The following USP49 variants were observed in gnomAD, a reference collection of about 807,000 sequenced individuals.
USP49 encodes the protein ubiquitin carboxyl-terminal hydrolase 49.
USP49 carries 24 observed loss-of-function variants against 58.6 expected under a neutral mutation model. That is an observed-to-expected ratio of 0.41 (90% CI 0.30 to 0.58). The LOEUF is 0.58. Among genes scored for constraint, USP49 ranks in the 20% least tolerant of loss-of-function variants. The pLI, the probability that USP49 is intolerant of heterozygous loss-of-function variation, is 0.30. For missense variants in USP49, 703 were observed against 866.1 expected, an observed-to-expected ratio of 0.81 and a Z score of 2.36; for synonymous variants, 408 against 365.1, an observed-to-expected ratio of 1.12 and a Z score of -1.34.
intron 3 of USP49, among the ~76,000 whole-genome samples, chr6:41,820,193 TTTAAG>T (rs1234182277): frequency 6.6e-6 from 1 of 152,148 alleles, no homozygotes; most frequent in African/African-American, 2.4e-5. Flanking sequence ...TTTTTTTTTT[TTTAAG>T]TTTTATTGAG....
chr6:41,848,024 G>A (rs376778494), intron 3 of USP49, among the ~76,000 whole-genome samples: 23 of 152,108 alleles, frequency 1.5e-4, no homozygotes, highest in African/African-American at 4.1e-4. Context: ...CATATTCAAA[G>A]CAGCAAAAGA....
chr6:41,879,371 G>A (rs1256458911), intron 2 of USP49, among the ~76,000 whole-genome samples: 1 of 152,072 alleles, frequency 6.6e-6, no homozygotes, highest in Non-Finnish European at 1.5e-5. Context: ...TGGGACCACA[G>A]GTGCATGCCA....
At chr6:41,833,499 A>G (rs1340849735) in intron 3 of USP49, among the ~76,000 whole-genome samples, 1 of 152,218 alleles carries the variant, frequency 6.6e-6, no homozygotes, top group Non-Finnish European at 1.5e-5. Flanking sequence ...TTATAATAAT[A>G]AAGTATTTAA....
rs757809594 is a variant in USP49 at position 41,806,369 on chromosome 6, C to T, written c.615G>A (p.Pro205=). The change falls in exon 4 of 8, where the codon CCG becomes CCA. Residue 205 remains proline, a synonymous_variant. Coordinates refer to ENST00000682992, the MANE Select transcript of USP49 (RefSeq NM_001286554.2). The surrounding 1 kb of genome is among the most constrained non-coding windows in gnomAD (Gnocchi z 5.9). The part of the protein sequence containing the change: ...RLLEELASTP[P]RKSARLLLHT... ...GCAGGAGCAGCCGTGCACTCTTGCGCGGAGGGGTGCTGGCCAGCTCCTCCA... is the reference window on the plus strand; with the variant it reads ...GCAGGAGCAGCCGTGCACTCTTGCGTGGAGGGGTGCTGGCCAGCTCCTCCA... 6.5e-7 allele frequency: 1 copy of T among 1,537,002 alleles called. No individual in the cohort carries two copies. The highest frequency in any genetic ancestry group is 2.3e-5 in the East Asian group (1 of 44,186).
chr6:41,871,121 A>G (rs1045282492), intron 3 of USP49, among the ~76,000 whole-genome samples: 5 of 152,156 alleles, frequency 3.3e-5, no homozygotes, highest in Admixed American at 3.3e-4. Flanking sequence ...CCAAAGCAGA[A>G]TTCTATTTGA....
At chr6:41,857,642 G>C (rs1326464094) in intron 3 of USP49, among the ~76,000 whole-genome samples, 2 of 152,092 alleles carry the variant, frequency 1.3e-5, no homozygotes, top group African/African-American at 4.8e-5. Flanking sequence ...AAAAAATAAA[G>C]TTTGTCTAAC....
intron 3 of USP49, among the ~76,000 whole-genome samples, chr6:41,807,435 G>A (rs1157769359): frequency 6.6e-6 from 1 of 152,114 alleles, no homozygotes; most frequent in Non-Finnish European, 1.5e-5. Context: ...CGTGACTAAG[G>A]AACATTGTAT....
intron 3 of USP49, among the ~76,000 whole-genome samples, chr6:41,857,390 A>G (rs777869053): frequency 6.6e-6 from 1 of 152,220 alleles, no homozygotes; most frequent in Non-Finnish European, 1.5e-5. Context: ...CATGCCTATA[A>G]TCCCAGCACT....
intron 3 of USP49, among the ~76,000 whole-genome samples, chr6:41,836,233 G>A (rs1280811320): frequency 6.6e-6 from 1 of 151,962 alleles, no homozygotes; most frequent in Non-Finnish European, 1.5e-5. Context: ...TCTGAAATAG[G>A]ACACCCTGAC....
chr6:41,802,452 A>ATTTTTTTTTT lies in USP49; in HGVS notation c.1561+1353_1561+1354insAAAAAAAAAA, dbSNP rs1561902624. Among the ~76,000 whole-genome samples the ATTTTTTTTTT allele has an allele frequency of 2.4e-4, 15 of 63,810 alleles. 1 individual carries two copies. The highest frequency in any genetic ancestry group is 4.5e-4 in the South Asian group (1 of 2,206). The allele number at this position is 63,810 out of a possible 152,430, so 41.9% of individuals were successfully genotyped here. On this transcript the variant is annotated intron_variant, in intron 5 of 7. Coordinates refer to ENST00000682992, the MANE Select transcript of USP49 (RefSeq NM_001286554.2). The stretch of plus-strand genomic sequence containing the variant: ...ATTTTATTTATTTATTTATTTATTT[A>ATTTTTTTTTT]TTTATTTATTTATTTATTTTTTATT...
intron 3 of USP49, among the ~76,000 whole-genome samples, chr6:41,856,838 AT>A (rs1774140583): frequency 6.6e-6 from 1 of 152,294 alleles, no homozygotes; most frequent in Non-Finnish European, 1.5e-5. Context: ...TAGTTGTTCT[AT>A]TTTATTATTG....
Position 41,791,794 on chromosome 6 carries a change from AGT to A in USP49, c.*4737_*4738del, listed in dbSNP as rs1282179160. 1 of 152,254 alleles carries A rather than the reference AGT, an allele frequency of 6.6e-6. No individual in the cohort carries two copies. Among genetic ancestry groups the A allele is most frequent in the Non-Finnish European group, 1.5e-5 (1 of 68,054 alleles). 9.4% of individuals were successfully genotyped at this position (152,254 alleles called of 1,614,324 possible). A position where few individuals can be genotyped will look rare whatever the true frequency, so the allele number is the denominator to read the frequency against. ...AGTCATAGTCCTGGCCCAACAGAAC[AGT>A]TACTAAATGTAAGATACAAACTAAA... On this transcript the variant is annotated 3_prime_UTR_variant, in exon 8 of 8. Coordinates refer to ENST00000682992, the MANE Select transcript of USP49 (RefSeq NM_001286554.2).
At chr6:41,881,534 A>T (rs1774608798) in intron 2 of USP49, among the ~76,000 whole-genome samples, 1 of 152,092 alleles carries the variant, frequency 6.6e-6, no homozygotes, top group Non-Finnish European at 1.5e-5. Flanking sequence ...AAAGAAACTA[A>T]AGGAAAAAAA....
chr6:41,850,690 C>T (rs1035563507), intron 3 of USP49, among the ~76,000 whole-genome samples: 3 of 151,016 alleles, frequency 2.0e-5, no homozygotes, highest in African/African-American at 4.9e-5. Context: ...CTGCAACCTC[C>T]GCCTCCTGGG....
intron 7 of USP49, chr6:41,798,021 T>C (rs1376356961): frequency 1.8e-5 from 3 of 163,264 alleles, no homozygotes; most frequent in African/African-American, 7.2e-5. Context: ...GTGCACACCA[T>C]TACACCTGGA....
chr6:41,798,874 C>T lies in USP49; in HGVS notation c.1726G>A (p.Val576Ile). ...CAGCAGTAAGGTTCCATGGTTAATA[C>T]CTGGTCAAAGACGACATGGACCCCA... ...KIGVHVVFDQ[V>I]LTMEPYCCRD... Residue 576 changes from valine (V) to isoleucine (I), a missense_variant, in exon 7 of 8, where the codon GTA (valine) becomes ATA (isoleucine). Val to Ile is a conservative substitution (Grantham distance 29). This residue lies in a region of USP49 where 158 missense variants were observed against 241.2 expected (regional missense o/e 0.66). Coordinates refer to ENST00000682992, the MANE Select transcript of USP49 (RefSeq NM_001286554.2). 1 of 1,613,714 alleles carries T rather than the reference C, an allele frequency of 6.2e-7. No homozygotes were observed. The highest frequency in any genetic ancestry group is 8.5e-7 in the Non-Finnish European group (1 of 1,179,970).
chr6:41,892,336 T>C (rs1472622711), intron 1 of USP49, among the ~76,000 whole-genome samples: 2 of 152,228 alleles, frequency 1.3e-5, no homozygotes, highest in African/African-American at 4.8e-5. Context: ...GTCCTACTAC[T>C]AACGCCAGCC....
chr6:41,858,328 TTTAAA>T (rs1007187048), intron 3 of USP49, among the ~76,000 whole-genome samples: 3 of 152,224 alleles, frequency 2.0e-5, no homozygotes, highest in Admixed American at 6.5e-5. Flanking sequence ...GCTTTATTCT[TTTAAA>T]TTAAGTCACA....
intron 3 of USP49, among the ~76,000 whole-genome samples, chr6:41,833,474 G>T (rs1030293390): frequency 1.4e-4 from 22 of 152,004 alleles, no homozygotes; most frequent in Non-Finnish European, 2.8e-4. Context: ...ATTCTCAGTA[G>T]AAATAATTTC....
Sources: allele counts gnomAD v4.1 joint callset (sites outside exome capture counted in the v4.1 genomes callset), GRCh38; gene constraint gnomAD v4.1.1; regional missense constraint gnomAD v4.1.1; non-coding constraint Gnocchi (gnomAD v3.1); transcripts MANE v1.5; gene names NCBI Gene and HGNC (gene_info 2026-07-23, HGNC 2026-07-21).